The following POLN variants were observed in gnomAD, a reference collection of about 807,000 sequenced individuals.
POLN encodes the protein DNA polymerase N.
POLN carries 108 observed loss-of-function variants against 113.5 expected under a neutral mutation model. That is an observed-to-expected ratio of 0.95 (90% CI 0.81 to 1.12). The LOEUF (loss-of-function observed/expected upper bound fraction) is 1.12, where lower values mean the gene tolerates loss of function less well. Among genes scored for constraint, POLN ranks in the 50% most tolerant of loss-of-function variants. The probability of loss-of-function intolerance (pLI) is 0.00; values close to 1 mark genes in which losing one functional copy is unlikely to be tolerated. For missense variants in POLN, 1,097 were observed against 1,077.1 expected (o/e 1.02, Z -0.26); for synonymous variants, 386 against 391.5 (o/e 0.99, Z 0.17).
intron 16 of POLN, among the ~76,000 whole-genome samples, chr4:2,133,994 T>C (rs1731791070): frequency 6.6e-6 from 1 of 152,244 alleles, no homozygotes; most frequent in Non-Finnish European, 1.5e-5. Flanking sequence ...CCCGGAGCTT[T>C]ACTTATCCAA....
chr4:2,094,743 A>C (rs1730745354), intron 20 of POLN, among the ~76,000 whole-genome samples: 1 of 152,134 alleles, frequency 6.6e-6, no homozygotes, highest in Non-Finnish European at 1.5e-5. Flanking sequence ...GTTCTAGACA[A>C]GCTATCCATC....
intron 2 of POLN, among the ~76,000 whole-genome samples, chr4:2,235,763 G>A (rs1734738745): frequency 6.6e-6 from 1 of 152,120 alleles, no homozygotes; most frequent in Non-Finnish European, 1.5e-5. Context: ...ATATATGTGT[G>A]TATGTGTGTG....
chr4:2,105,550 T>C (rs1476732504), intron 19 of POLN, among the ~76,000 whole-genome samples: 2 of 152,062 alleles, frequency 1.3e-5, no homozygotes, highest in East Asian at 1.9e-4. Context: ...GAGAGCTCCA[T>C]ATATTTATGA....
At chr4:2,208,917 G>T (rs1176542685) in intron 4 of POLN, among the ~76,000 whole-genome samples, 1 of 152,014 alleles carries the variant, frequency 6.6e-6, no homozygotes, top group South Asian at 2.1e-4. Context: ...GAATTCAGGA[G>T]GTGGAGGCTG....
rs1490938454 is a variant in POLN at position 2,159,184 on chromosome 4, A to G, written c.1582T>C (p.Leu528=). Reference sequence around the variant, plus strand: ...CTGTATTCCAAAATTATCTTGGGTAATGGATGAAGGTCTCGCAGAGCATTT... The same window carrying G: ...CTGTATTCCAAAATTATCTTGGGTAGTGGATGAAGGTCTCGCAGAGCATTT... The part of the protein sequence containing the change: ...VLNALRDLHP[L]PKIILEYRQV... Residue 528 remains leucine, a synonymous_variant, in exon 14 of 26, where the codon TTA becomes CTA. Coordinates refer to ENST00000511885, the MANE Select transcript of POLN (RefSeq NM_181808.4). 6.2e-7 allele frequency: 1 copy of G among 1,609,318 alleles called. No individual in the cohort carries two copies. Among genetic ancestry groups the G allele is most frequent in the Non-Finnish European group, 8.5e-7 (1 of 1,176,378 alleles).
intron 19 of POLN, among the ~76,000 whole-genome samples, chr4:2,107,357 T>G (rs1731089017): frequency 6.6e-6 from 1 of 152,222 alleles, no homozygotes; most frequent in South Asian, 2.1e-4. Context: ...TAACCATACA[T>G]ACTAGCAGCA....
intron 19 of POLN, among the ~76,000 whole-genome samples, chr4:2,107,345 A>G (rs1344217205): frequency 6.6e-6 from 1 of 152,234 alleles, no homozygotes; most frequent in Non-Finnish European, 1.5e-5. Flanking sequence ...CATCAACTAG[A>G]GTAACCATAC....
intron 19 of POLN, among the ~76,000 whole-genome samples, chr4:2,100,983 G>C (rs902433000): frequency 6.6e-6 from 1 of 152,210 alleles, no homozygotes; most frequent in Non-Finnish European, 1.5e-5. Context: ...CAGTGGCAGT[G>C]CTGGGGCTCA....
At chr4:2,105,241 C>T (rs867579424) in intron 19 of POLN, among the ~76,000 whole-genome samples, 4 of 152,324 alleles carry the variant, frequency 2.6e-5, no homozygotes, top group South Asian at 2.1e-4. Flanking sequence ...ATCACTTCCA[C>T]CTCCTAATAT....
intron 16 of POLN, among the ~76,000 whole-genome samples, chr4:2,153,730 C>T (rs1732350247): frequency 6.6e-6 from 1 of 151,616 alleles, no homozygotes; most frequent in Non-Finnish European, 1.5e-5. Context: ...CCACAGGCGC[C>T]CACTACCACG....
Position 2,072,241 on chromosome 4 carries a change from T to C in POLN, c.2576A>G (p.Gln859Arg). The change falls in exon 26 of 26, where the codon CAG (glutamine) becomes CGG (arginine). Residue 859 changes from glutamine (Q) to arginine (R), a missense_variant. Gln to Arg is a conservative substitution (Grantham distance 43). Coordinates refer to ENST00000511885, the MANE Select transcript of POLN (RefSeq NM_181808.4). ...GRSWGHLVPL[Q>R]EAWGPPPGPC... ...GCCTGGCGGAGGGCCCCAGGCCTCC[T>C]GCAGTGGCACCAGGTGTCCCCATGA... 1 of 1,601,138 alleles carries C rather than the reference T, an allele frequency of 6.2e-7. No individual in the cohort carries two copies.
intron 3 of POLN, among the ~76,000 whole-genome samples, chr4:2,216,290 G>A (rs1440922297): frequency 6.6e-6 from 1 of 152,228 alleles, no homozygotes; most frequent in East Asian, 1.9e-4. Context: ...TAAACCTTAA[G>A]AACCCAGAGG....
chr4:2,129,248 C>A lies in POLN; in HGVS notation c.1798G>T (p.Asp600Tyr), dbSNP rs1173250632. 1.3e-6 allele frequency: 2 copies of A among 1,586,276 alleles called. No individual in the cohort carries two copies. Among genetic ancestry groups the A allele is most frequent in the Non-Finnish European group, 1.7e-6 (2 of 1,155,128 alleles). Residue 600 changes from aspartate (D) to tyrosine (Y), a missense_variant, in exon 18 of 26, where the codon GAC (aspartate) becomes TAC (tyrosine). Transcript: ENST00000511885. ...CTCGGGGAGATCGTGAGAATCTTGT[C>A]TTCTTTACCTGAATTGTTATTTCAA... ...TTPKNFKGKE[D>Y]KILTISPRAM...
intron 11 of POLN, among the ~76,000 whole-genome samples, chr4:2,173,340 G>A (rs1038569422): frequency 2.6e-5 from 4 of 152,162 alleles, no homozygotes; most frequent in Non-Finnish European, 2.9e-5. Flanking sequence ...AATGTATTAC[G>A]TGTATATAAT....
At chr4:2,217,156 T>A (rs2108768103) in intron 3 of POLN, among the ~76,000 whole-genome samples, 1 of 152,270 alleles carries the variant, frequency 6.6e-6, no homozygotes, top group South Asian at 2.1e-4. Flanking sequence ...GAGCAACCTG[T>A]CAAGCCACTA....
intron 11 of POLN, among the ~76,000 whole-genome samples, chr4:2,173,710 C>T (rs10026945): frequency 6.6e-6 from 1 of 151,902 alleles, no homozygotes; most frequent in Non-Finnish European, 1.5e-5. Context: ...GTAAGAAAAA[C>T]GTAACTTTTG....
rs142393780 is a variant in POLN, at chr4:2,101,759, G to C, written c.1983-5826C>G. ...TGGAACAAGGGTGTGAGCAGAGTGT[G>C]AGCTCCCACAACTAGAACTGGGAAG... On this transcript the variant is annotated intron_variant, in intron 19 of 25. Transcript: ENST00000511885. Among the ~76,000 whole-genome samples the C allele has an allele frequency of 3.8e-3, 573 of 152,344 alleles. 2 individuals carry two copies. Among genetic ancestry groups the C allele is most frequent in the Non-Finnish European group, 6.7e-3 (453 of 68,032 alleles).
At chr4:2,095,417 C>A (rs1730761904) in intron 20 of POLN, among the ~76,000 whole-genome samples, 1 of 152,240 alleles carries the variant, frequency 6.6e-6, no homozygotes, top group Non-Finnish European at 1.5e-5. Flanking sequence ...GGCTGCATGG[C>A]CCAGCTGGGT....
intron 16 of POLN, among the ~76,000 whole-genome samples, chr4:2,151,830 G>A (rs1019829183): frequency 4.6e-5 from 7 of 152,130 alleles, no homozygotes; most frequent in Non-Finnish European, 8.8e-5. Flanking sequence ...GATGAGGAGT[G>A]GGGAGGGAGA....
Sources: allele counts gnomAD v4.1 joint callset (sites outside exome capture counted in the v4.1 genomes callset), GRCh38; gene constraint gnomAD v4.1.1; transcripts MANE v1.5; gene names NCBI Gene and HGNC (gene_info 2026-07-23, HGNC 2026-07-21).